SLC33A1: variants seen among roughly 807,000 people sequenced by gnomAD.
SLC33A1 encodes the protein solute carrier family 33 member 1.
A neutral mutation model predicts 50.0 loss-of-function variants in SLC33A1; 20 were observed. That is an observed-to-expected ratio of 0.40 (90% CI 0.28 to 0.58). The LOEUF (loss-of-function observed/expected upper bound fraction) is 0.58. SLC33A1 is among the 20% of genes least tolerant of loss of function. The probability of loss-of-function intolerance (pLI) is 0.44; values close to 1 mark genes in which losing one functional copy is unlikely to be tolerated. For synonymous variants in SLC33A1, 265 were observed against 251.8 expected, an observed-to-expected ratio of 1.05 and a Z score of -0.50; for missense variants, 476 against 657.0, an observed-to-expected ratio of 0.72 and a Z score of 3.01.
chr3:155,834,170 T>G, intron 2 of SLC33A1, 129 bp from the exon 3 acceptor site: 1 of 696,954 alleles, frequency 1.4e-6, no homozygotes, highest in Admixed American at 2.2e-5. Flanking sequence ...AGCATCATAT[T>G]ATTATACCTG....
chr3:155,832,200 A>C (rs1752465725), intron 4 of SLC33A1, among the ~76,000 whole-genome samples: 1 of 152,064 alleles, frequency 6.6e-6, no homozygotes, highest in Non-Finnish European at 1.5e-5. Flanking sequence ...CAACATGGAG[A>C]AACCCCGTCT....
intron 1 of SLC33A1, among the ~76,000 whole-genome samples, chr3:155,845,423 C>T (rs750432508): frequency 6.6e-6 from 1 of 152,118 alleles, no homozygotes; most frequent in Non-Finnish European, 1.5e-5. Context: ...ACCTCCTAGG[C>T]TCAAGTGATC....
At chr3:155,831,457 CAAAAAAAAA>C (rs397991448) in intron 4 of SLC33A1, among the ~76,000 whole-genome samples, 1,124 of 46,638 alleles carry the variant, frequency 0.024, 2 homozygotes, top group Middle Eastern at 0.045. Flanking sequence ...GACTCTGTCT[CAAAAAAAAA>C]AAAAAAAAAA....
At chr3:155,832,533 G>A (rs1055305295) in intron 4 of SLC33A1, among the ~76,000 whole-genome samples, 43 of 150,836 alleles carry the variant, frequency 2.9e-4, no homozygotes, top group East Asian at 7.9e-4. Context: ...TTTCAATATA[G>A]AAGCTAAGCC....
At chr3:155,830,250 G>A (rs1454969602) in intron 4 of SLC33A1, among the ~76,000 whole-genome samples, 1 of 151,696 alleles carries the variant, frequency 6.6e-6, no homozygotes, top group African/African-American at 2.4e-5. Context: ...GCAGGCGCCT[G>A]TAGTCCCAGC....
intron 1 of SLC33A1, 145 bp downstream of exon 1, chr3:155,853,078 A>C: frequency 1.4e-6 from 1 of 710,370 alleles, no homozygotes; most frequent in Non-Finnish European, 2.4e-6. Context: ...TATTTCAAAG[A>C]AGCTCATTTG....
rs543285421 is a variant in SLC33A1 at position 155,822,987 on chromosome 3, A to T, written c.*5223T>A. The T allele has an allele frequency of 1.3e-5, 2 of 152,202 alleles. No homozygotes were observed. Among genetic ancestry groups the T allele is most frequent in the Non-Finnish European group, 2.9e-5 (2 of 68,050 alleles). The allele number at this position is 152,202 out of a possible 1,614,324, so 9.4% of individuals were successfully genotyped here. A position where few individuals can be genotyped will look rare whatever the true frequency, so the allele number is the denominator to read the frequency against. On this transcript the variant is annotated 3_prime_UTR_variant, in exon 6 of 6. Coordinates refer to ENST00000643144, the MANE Select transcript of SLC33A1 (RefSeq NM_004733.4). Reference sequence around the variant, plus strand: ...AGTGTTGGGATTAAAGGTATGAGCCACTACACCCAGCCCATAGACTTTTCA... The same window carrying T: ...AGTGTTGGGATTAAAGGTATGAGCCTCTACACCCAGCCCATAGACTTTTCA...
intron 2 of SLC33A1, among the ~76,000 whole-genome samples, chr3:155,839,729 C>T (rs374684431): frequency 6.6e-6 from 1 of 152,046 alleles, no homozygotes; most frequent in African/African-American, 2.4e-5. Flanking sequence ...AGGTGGATCA[C>T]TTGAGGTCAG....
At chr3:155,844,143 CACTT>C (rs1195221024) in intron 1 of SLC33A1, among the ~76,000 whole-genome samples, 2 of 152,062 alleles carry the variant, frequency 1.3e-5, no homozygotes, top group African/African-American at 2.4e-5. Flanking sequence ...GTTTGAACCT[CACTT>C]ACGAGGCAGA....
At chr3:155,846,465 T>TC (rs912426663) in intron 1 of SLC33A1, among the ~76,000 whole-genome samples, 2 of 151,896 alleles carry the variant, frequency 1.3e-5, no homozygotes, top group African/African-American at 4.8e-5. Flanking sequence ...TTTTTTTTTT[T>TC]TTTTTGAGAC....
chr3:155,822,766 A>C lies in SLC33A1; in HGVS notation c.*5444T>G, dbSNP rs1425281660. On this transcript the variant is annotated 3_prime_UTR_variant, in exon 6 of 6. Coordinates refer to ENST00000643144, the MANE Select transcript of SLC33A1 (RefSeq NM_004733.4). ...TCTAAATGAGTCAAGACTTCTTATGAGCTATGCAAATTAATATTGCTGATA... is the reference window on the plus strand; with the variant it reads ...TCTAAATGAGTCAAGACTTCTTATGCGCTATGCAAATTAATATTGCTGATA... The C allele has an allele frequency of 1.3e-5, 2 of 152,168 alleles. No homozygotes were observed. The highest frequency in any genetic ancestry group is 1.3e-4 in the Admixed American group (2 of 15,278). The allele number at this position is 152,168 out of a possible 1,614,324, so 9.4% of individuals were successfully genotyped here.
At chr3:155,842,334 T>G (rs1414846630) in intron 2 of SLC33A1, 98 bp downstream of exon 2, 1 of 690,394 alleles carries the variant, frequency 1.4e-6, no homozygotes, top group African/African-American at 1.8e-5. Flanking sequence ...ATTCTAATGG[T>G]AGTGGAAAGG....
At chr3:155,831,052 T>C (rs1459510909) in intron 4 of SLC33A1, among the ~76,000 whole-genome samples, 2 of 152,152 alleles carry the variant, frequency 1.3e-5, no homozygotes, top group African/African-American at 4.8e-5. Context: ...TGTATGCCTT[T>C]TGAAATATTT....
chr3:155,853,865 G>A lies in SLC33A1; in HGVS notation c.133C>T (p.Arg45Trp), dbSNP rs1407731216. Residue 45 changes from arginine to tryptophan, a missense_variant, in exon 1 of 6, where the codon CGG (arginine) becomes TGG (tryptophan). Arg to Trp is a moderately radical substitution (Grantham distance 101). Transcript: ENST00000643144. ...AGAAGAGCTTCTCTGTCCCCTTCCC[G>A]GCCCGCTGAGTCCAAATGACTGTCA... ...WDDSHLDSAGREGDREALLGD... is the reference protein window; with the variant it reads ...WDDSHLDSAGWEGDREALLGD... 1.3e-6 allele frequency: 2 copies of A among 1,579,624 alleles called. No homozygotes were observed. The highest frequency in any genetic ancestry group is 8.6e-7 in the Non-Finnish European group (1 of 1,162,756).
At position 155,829,591 on chromosome 3, in the gene SLC33A1, A is replaced by G; in HGVS notation, c.1482+97T>C. ...TCTAAACCAGAACCTATGGACAGAT[A>G]TGATTTTTAAAAAAGATATAGTACT... On this transcript the variant is annotated intron_variant, in intron 5 of 5. Coordinates refer to ENST00000643144, the MANE Select transcript of SLC33A1 (RefSeq NM_004733.4). The G allele has an allele frequency of 3.4e-6, 3 of 880,394 alleles. No homozygotes were observed. In the South Asian group the frequency reaches 4.3e-5, roughly 13 times the overall value. 54.5% of individuals were successfully genotyped at this position (880,394 alleles called of 1,614,324 possible). A position where few individuals can be genotyped will look rare whatever the true frequency, so the allele number is the denominator to read the frequency against.
chr3:155,827,447 A>G lies in SLC33A1; in HGVS notation c.*763T>C, dbSNP rs1752234860. The G allele has an allele frequency of 6.6e-6, 1 of 152,210 alleles. No individual in the cohort carries two copies. Among genetic ancestry groups the G allele is most frequent in the Non-Finnish European group, 1.5e-5 (1 of 68,032 alleles). The allele number at this position is 152,210 out of a possible 1,614,324, so 9.4% of individuals were successfully genotyped here. A position where few individuals can be genotyped will look rare whatever the true frequency, so the allele number is the denominator to read the frequency against. On this transcript the variant is annotated 3_prime_UTR_variant, in exon 6 of 6. Coordinates refer to ENST00000643144, the MANE Select transcript of SLC33A1 (RefSeq NM_004733.4). ...CCAGGAAGCACTTGTGACAGAAAAC[A>G]TATATAAGCTTAGGGTAAAAGTTTA... is the stretch of plus-strand genomic sequence containing the variant.
intron 4 of SLC33A1, among the ~76,000 whole-genome samples, chr3:155,830,904 A>C (rs557602130): frequency 1.3e-5 from 2 of 152,346 alleles, no homozygotes; most frequent in African/African-American, 4.8e-5. Flanking sequence ...TTAATTTAGA[A>C]AGATGGAAAC....
chr3:155,839,060 G>A (rs1230325158), intron 2 of SLC33A1, among the ~76,000 whole-genome samples: 5 of 151,684 alleles, frequency 3.3e-5, no homozygotes, highest in African/African-American at 1.2e-4. Flanking sequence ...AGGCCGAGAC[G>A]GGCAGATCAC....
At chr3:155,847,072 G>A (rs1358557972) in intron 1 of SLC33A1, among the ~76,000 whole-genome samples, 1 of 151,890 alleles carries the variant, frequency 6.6e-6, no homozygotes, top group Non-Finnish European at 1.5e-5. Context: ...ACCAGGCATG[G>A]TGGCACATGC....
Sources: gnomAD v4.1 joint callset for allele counts (sites outside exome capture counted in the v4.1 genomes callset) on GRCh38, gnomAD v4.1.1 for gene constraint, MANE v1.5 for transcripts, NCBI Gene and HGNC (gene_info 2026-07-23, HGNC 2026-07-21) for gene names.